Variants in ZNF23 observed in about 807,000 individuals in gnomAD.
ZNF23 encodes kruppel-like zinc finger factor X31.
In ZNF23, 48 loss-of-function variants were observed where a neutral mutation model predicts 56.2. That is an observed-to-expected ratio of 0.85 (90% CI 0.68 to 1.09). The LOEUF is 1.09. Ranked by LOEUF, ZNF23 falls within the 50% of genes least tolerant of loss-of-function variation. ZNF23 has a pLI of 0.00. For missense variants in ZNF23, 805 were observed against 811.4 expected, an observed-to-expected ratio of 0.99 and a Z score of 0.10; for synonymous variants, 266 against 283.3, an observed-to-expected ratio of 0.94 and a Z score of 0.61.
At position 71,448,318 on chromosome 16, in the gene ZNF23, G is replaced by T; in HGVS notation, c.1836C>A (p.Phe612Leu). ...GCCGAATTAAATGGGCATTAACATG[G>T]AAGGCTTTTCCACACTCCTTACACT... ...PFQCKECGKA[F>L]HVNAHLIRHQ... The change falls in exon 5 of 5, where the codon TTC becomes TTA. Residue 612 changes from phenylalanine (F) to leucine (L), a missense_variant. By Grantham distance (22) the Phe-to-Leu change is conservative (BLOSUM62 0). Coordinates refer to ENST00000647773, the MANE Select transcript of ZNF23 (RefSeq NM_001381984.1). 4.3e-6 allele frequency: 7 copies of T among 1,614,094 alleles called. No individual in the cohort carries two copies. The highest frequency in any genetic ancestry group is 5.9e-6 in the Non-Finnish European group (7 of 1,180,014).
At position 71,448,444 on chromosome 16, in the gene ZNF23, A is replaced by T. The variant is rs2042926683; in HGVS notation, c.1710T>A (p.Thr570=). ...CCATACATTTGAAAGGTTTCTCCCCAGTATGTATCCTCTGATGCCTAGTTA... is the reference window on the plus strand; with the variant it reads ...CCATACATTTGAAAGGTTTCTCCCCTGTATGTATCCTCTGATGCCTAGTTA... The part of the protein sequence containing the change: ...AKLTRHQRIH[T]GEKPFKCMEC... Residue 570 remains threonine, a synonymous_variant, in exon 5 of 5, where the codon ACT becomes ACA. Coordinates refer to ENST00000647773, the MANE Select transcript of ZNF23 (RefSeq NM_001381984.1). 6.2e-7 allele frequency: 1 copy of T among 1,614,240 alleles called. No homozygotes were observed. The highest frequency in any genetic ancestry group is 8.5e-7 in the Non-Finnish European group (1 of 1,180,040).
At chr16:71,460,944 A>G (rs2043424410) in intron 1 of ZNF23, among the ~76,000 whole-genome samples, 1 of 152,238 alleles carries the variant, frequency 6.6e-6, no homozygotes, top group Non-Finnish European at 1.5e-5. Context: ...AGTTTTTACA[A>G]TGGAACATTA....
At chr16:71,461,132 C>T (rs980043359) in intron 1 of ZNF23, among the ~76,000 whole-genome samples, 1 of 152,024 alleles carries the variant, frequency 6.6e-6, no homozygotes, top group African/African-American at 2.4e-5. Flanking sequence ...ACAATTAACA[C>T]AAAAGTCAAT....
chr16:71,450,253 T>C (rs1296439843), intron 4 of ZNF23: 2 of 167,384 alleles, frequency 1.2e-5, no homozygotes, highest in Admixed American at 6.2e-5. Flanking sequence ...TAAACTGGCA[T>C]AGGAAGTTTA....
intron 1 of ZNF23, 103 bp from the exon 2 acceptor site, chr16:71,456,931 A>C: frequency 3.6e-6 from 1 of 275,704 alleles, no homozygotes; most frequent in Non-Finnish European, 5.5e-6. Context: ...TTGCATCCAA[A>C]TAGGAGTGCG....
chr16:71,459,324 G>C (rs2145134726), intron 1 of ZNF23, among the ~76,000 whole-genome samples: 1 of 152,348 alleles, frequency 6.6e-6, no homozygotes, highest in African/African-American at 2.4e-5. Flanking sequence ...GCAGCCTTAA[G>C]ACTCCAAGGC....
intron 2 of ZNF23, among the ~76,000 whole-genome samples, chr16:71,456,540 G>C (rs1349437996): frequency 6.6e-6 from 1 of 152,182 alleles, no homozygotes; most frequent in African/African-American, 2.4e-5. Context: ...GAGACCCTCA[G>C]TGTGCAGAAG....
rs138912769 is a variant in ZNF23, at chr16:71,448,632, G to A, written c.1522C>T (p.Arg508Trp). Reference protein sequence around the residue: ...KAFSVNGKLMRHQRIHTGEKP... With the variant: ...KAFSVNGKLMWHQRIHTGEKP... ...TCCCCAGTGTGAATTCTCTGATGCC[G>A]CATTAGTTTCCCATTAACGCTGAAG... Residue 508 changes from arginine to tryptophan, a missense_variant, in exon 5 of 5, where the codon CGG (arginine) becomes TGG (tryptophan). Coordinates refer to ENST00000647773, the MANE Select transcript of ZNF23 (RefSeq NM_001381984.1). 9.8e-5 allele frequency: 158 copies of A among 1,613,668 alleles called. No individual in the cohort carries two copies. Among genetic ancestry groups the A allele is most frequent in the Non-Finnish European group, 1.2e-4 (142 of 1,179,948 alleles).
At chr16:71,454,765 C>G (rs1032910212) in intron 2 of ZNF23, among the ~76,000 whole-genome samples, 1 of 152,218 alleles carries the variant, frequency 6.6e-6, no homozygotes, top group African/African-American at 2.4e-5. Flanking sequence ...TACCCTCTCC[C>G]ATTCAAGTCT....
At chr16:71,453,532 T>TC in intron 3 of ZNF23, 182 bp from the exon 4 acceptor site, 1 of 551,330 alleles carries the variant, frequency 1.8e-6, no homozygotes, top group Non-Finnish European at 3.2e-6. Flanking sequence ...CCTTGGAGAC[T>TC]TCCAAGGGCT....
rs763524420 is a variant in ZNF23, at chr16:71,448,626, G to C, written c.1528C>G (p.Gln510Glu). 5 of 1,614,192 alleles carry C rather than the reference G, an allele frequency of 3.1e-6. No homozygotes were observed. In the South Asian group the frequency reaches 4.4e-5, roughly 14 times the overall value. The change falls in exon 5 of 5, where the codon CAG becomes GAG. Residue 510 changes from glutamine (Q) to glutamate (E), a missense_variant. Physicochemically the swap from Gln to Glu is conservative, Grantham distance 29 (BLOSUM62 2). Coordinates refer to ENST00000647773, the MANE Select transcript of ZNF23 (RefSeq NM_001381984.1). The part of the protein sequence containing the change: ...FSVNGKLMRH[Q>E]RIHTGEKPFE... Reference sequence around the variant, plus strand: ...GGTTTCTCCCCAGTGTGAATTCTCTGATGCCGCATTAGTTTCCCATTAACG... The same window carrying C: ...GGTTTCTCCCCAGTGTGAATTCTCTCATGCCGCATTAGTTTCCCATTAACG...
chr16:71,449,561 A>G lies in ZNF23; in HGVS notation c.593T>C (p.Leu198Pro). ...AGAATTAATTATTTCATGCTTCACG[A>G]GTTTTGTATCAAAGCTGATGGATTT... ...LGKSISFDTKLVKHEIINSEE... is the reference protein window; with the variant it reads ...LGKSISFDTKPVKHEIINSEE... The change falls in exon 5 of 5, where the codon CTC (leucine) becomes CCC (proline). Residue 198 changes from leucine to proline, a missense_variant. Coordinates refer to ENST00000647773, the MANE Select transcript of ZNF23 (RefSeq NM_001381984.1). The G allele has an allele frequency of 6.2e-7, 1 of 1,614,152 alleles. No homozygotes were observed. Among genetic ancestry groups the G allele is most frequent in the South Asian group, 1.1e-5 (1 of 91,082 alleles).
chr16:71,453,287 G>A lies in ZNF23; in HGVS notation c.224C>T (p.Ser75Leu), dbSNP rs145491522. 1.9e-5 allele frequency: 30 copies of A among 1,609,212 alleles called. No individual in the cohort carries two copies. Among genetic ancestry groups the A allele is most frequent in the South Asian group, 2.2e-5 (2 of 89,682 alleles). Residue 75 changes from serine (S) to leucine (L), a missense_variant, in exon 4 of 5, where the codon TCA (serine) becomes TTA (leucine). By Grantham distance (145) the Ser-to-Leu change is moderately radical. Coordinates refer to ENST00000647773, the MANE Select transcript of ZNF23 (RefSeq NM_001381984.1). ...GCCTGTTCCTGCAGCCAGTGGAGAT[G>A]AGCCCCCCAGCTCACTTCCTCCCTC... The part of the protein sequence containing the change: ...QLEGGSELGG[S>L]SPLAAGTGLQ...
intron 1 of ZNF23, among the ~76,000 whole-genome samples, chr16:71,458,962 C>A (rs1369984371): frequency 6.6e-6 from 1 of 152,234 alleles, no homozygotes; most frequent in Non-Finnish European, 1.5e-5. Context: ...TCTAGTTGAG[C>A]AACACTACTT....
At chr16:71,459,012 T>G (rs753548363) in intron 1 of ZNF23, among the ~76,000 whole-genome samples, 4 of 152,260 alleles carry the variant, frequency 2.6e-5, no homozygotes, top group Admixed American at 6.5e-5. Context: ...TGCTCTTAGT[T>G]TGTTCCTTCA....
intron 3 of ZNF23, 189 bp from the exon 4 acceptor site, chr16:71,453,539 G>A: frequency 5.5e-6 from 3 of 544,098 alleles, no homozygotes; most frequent in South Asian, 5.0e-5. Context: ...GACTTCCAAG[G>A]GCTTTGGGAG....
Position 71,449,106 on chromosome 16 carries a change from G to GT in ZNF23, c.1047dup (p.Pro350ThrfsTer5), listed in dbSNP as rs1567560069. Reference sequence around the variant, plus strand: ...TTCCCACAGTCATTACACTCGTAAGGTTTCTCTCCAGTGTGGACTCTCTGA... The same window carrying GT: ...TTCCCACAGTCATTACACTCGTAAGGTTTTCTCTCCAGTGTGGACTCTCTGA... On this transcript the variant is annotated frameshift_variant, in exon 5 of 5. Coordinates refer to ENST00000647773, the MANE Select transcript of ZNF23 (RefSeq NM_001381984.1). LOFTEE classifies it high-confidence loss of function. The GT allele has an allele frequency of 6.2e-7, 1 of 1,614,048 alleles. No homozygotes were observed. Among genetic ancestry groups the GT allele is most frequent in the Non-Finnish European group, 8.5e-7 (1 of 1,180,036 alleles).
intron 2 of ZNF23, 159 bp from the exon 3 acceptor site, chr16:71,454,327 G>T: frequency 1.0e-6 from 1 of 991,186 alleles, no homozygotes; most frequent in Non-Finnish European, 1.4e-6. Context: ...TATCGAGAAA[G>T]TAAACTACAA....
intron 1 of ZNF23, among the ~76,000 whole-genome samples, chr16:71,460,761 T>C (rs1350138679): frequency 1.3e-5 from 2 of 152,240 alleles, no homozygotes; most frequent in African/African-American, 4.8e-5. Flanking sequence ...TCTCAACAGA[T>C]GCCAAAGATG....
Sources: allele counts gnomAD v4.1 joint callset (sites outside exome capture counted in the v4.1 genomes callset), GRCh38; gene constraint gnomAD v4.1.1; transcripts MANE v1.5; gene names NCBI Gene and HGNC (gene_info 2026-07-23, HGNC 2026-07-21).